Variants in ST6GALNAC3 observed in about 807,000 individuals in gnomAD.
ST6GALNAC3 encodes the protein alpha-N-acetylgalactosaminide alpha-2,6-sialyltransferase 3.
ST6GALNAC3 carries 25 observed loss-of-function variants against 32.7 expected under a neutral mutation model. That is an observed-to-expected ratio of 0.76 (90% CI 0.56 to 1.07). The LOEUF is 1.07. Among genes scored for constraint, ST6GALNAC3 ranks in the 50% least tolerant of loss-of-function variants. The pLI is 0.00. For synonymous variants in ST6GALNAC3, 129 were observed against 133.1 expected, an observed-to-expected ratio of 0.97 and a Z score of 0.21; for missense variants, 355 against 382.4, an observed-to-expected ratio of 0.93 and a Z score of 0.60.
At chr1:76,094,785 C>T (rs1466426305) in intron 1 of ST6GALNAC3, among the ~76,000 whole-genome samples, 2 of 152,244 alleles carry the variant, frequency 1.3e-5, no homozygotes, top group Admixed American at 6.5e-5. Flanking sequence ...AATGACTTCT[C>T]CTCTCTTCCC....
At chr1:76,277,611 T>TATACAC (rs762227546) in intron 1 of ST6GALNAC3, among the ~76,000 whole-genome samples, 4 of 51,164 alleles carry the variant, frequency 7.8e-5, no homozygotes, top group Non-Finnish European at 1.3e-4. Context: ...TATATATATA[T>TATACAC]ACACACACAC....
At chr1:76,306,765 A>G (rs950615071) in intron 1 of ST6GALNAC3, among the ~76,000 whole-genome samples, 4 of 152,004 alleles carry the variant, frequency 2.6e-5, no homozygotes, top group South Asian at 4.1e-4. Context: ...AAGAGGTTAC[A>G]TTGAACTTTC....
At chr1:76,370,743 G>A (rs987526135) in intron 2 of ST6GALNAC3, among the ~76,000 whole-genome samples, 4 of 152,040 alleles carry the variant, frequency 2.6e-5, no homozygotes, top group African/African-American at 7.2e-5. Flanking sequence ...ATGCAGATTA[G>A]AAAATGTTTT....
intron 3 of ST6GALNAC3, among the ~76,000 whole-genome samples, chr1:76,583,997 G>A (rs966743753): frequency 6.6e-6 from 1 of 152,050 alleles, no homozygotes; most frequent in African/African-American, 2.4e-5. Flanking sequence ...TCTGATCATG[G>A]TGGTAATGAG....
At chr1:76,201,514 G>T (rs571298262) in intron 1 of ST6GALNAC3, among the ~76,000 whole-genome samples, 1 of 152,218 alleles carries the variant, frequency 6.6e-6, no homozygotes, top group East Asian at 1.9e-4. Context: ...ACCATATCAC[G>T]TTGGAAACTG....
At chr1:76,362,665 C>T (rs990488669) in intron 2 of ST6GALNAC3, among the ~76,000 whole-genome samples, 1 of 152,224 alleles carries the variant, frequency 6.6e-6, no homozygotes, top group African/African-American at 2.4e-5. Flanking sequence ...CAAAGGGCTA[C>T]AGGCCCCAGG....
chr1:76,414,606 T>C (rs1654489281), intron 3 of ST6GALNAC3, among the ~76,000 whole-genome samples: 1 of 152,124 alleles, frequency 6.6e-6, no homozygotes, highest in Admixed American at 6.6e-5. Flanking sequence ...GTCAAACTTA[T>C]AGAGACACTA....
At chr1:76,256,647 G>A (rs1657937371) in intron 1 of ST6GALNAC3, among the ~76,000 whole-genome samples, 1 of 151,850 alleles carries the variant, frequency 6.6e-6, no homozygotes. Context: ...GTGGGGTGGG[G>A]TATGTATTAT....
At chr1:76,136,679 G>A (rs116464375) in intron 1 of ST6GALNAC3, among the ~76,000 whole-genome samples, 2,694 of 152,258 alleles carry the variant, frequency 0.018, 82 homozygotes, top group African/African-American at 0.061. Context: ...ATTTGACCCC[G>A]AAATCATATG....
chr1:76,456,729 A>G (rs1657833877), intron 3 of ST6GALNAC3, among the ~76,000 whole-genome samples: 1 of 152,150 alleles, frequency 6.6e-6, no homozygotes, highest in Non-Finnish European at 1.5e-5. Flanking sequence ...ATCTGTGACA[A>G]ACCCACAGCC....
intron 1 of ST6GALNAC3, among the ~76,000 whole-genome samples, chr1:76,099,526 G>C (rs1342091719): frequency 6.6e-6 from 1 of 152,214 alleles, no homozygotes; most frequent in East Asian, 1.9e-4. Flanking sequence ...ATGCAACAAT[G>C]TAGATGAATC....
At chr1:76,314,103 C>T in intron 2 of ST6GALNAC3, 104 bp downstream of exon 2, 1 of 1,107,578 alleles carries the variant, frequency 9.0e-7, no homozygotes. Flanking sequence ...TCTGTCTGCC[C>T]CGGAGAGCTT....
intron 1 of ST6GALNAC3, among the ~76,000 whole-genome samples, chr1:76,137,270 T>C (rs1156655290): frequency 1.3e-5 from 2 of 152,230 alleles, no homozygotes; most frequent in African/African-American, 4.8e-5. Context: ...TTTGCAGAGA[T>C]TCTTGCCCCG....
intron 1 of ST6GALNAC3, among the ~76,000 whole-genome samples, chr1:76,111,098 T>C (rs1012883138): frequency 2.0e-5 from 3 of 152,224 alleles, no homozygotes; most frequent in East Asian, 3.8e-4. Flanking sequence ...TAATGTCTAA[T>C]GTGAGATATT....
intron 3 of ST6GALNAC3, among the ~76,000 whole-genome samples, chr1:76,425,112 G>T (rs1655282181): frequency 1.3e-5 from 2 of 152,006 alleles, no homozygotes; most frequent in South Asian, 4.1e-4. Context: ...GATGATGAGA[G>T]TTCTCAGCTC....
At chr1:76,559,975 A>C (rs1225270750) in intron 3 of ST6GALNAC3, among the ~76,000 whole-genome samples, 1 of 152,178 alleles carries the variant, frequency 6.6e-6, no homozygotes, top group Admixed American at 6.6e-5. Flanking sequence ...GAAAAGAAGC[A>C]AATGACATAC....
intron 1 of ST6GALNAC3, among the ~76,000 whole-genome samples, chr1:76,310,785 C>A (rs896918464): frequency 6.6e-6 from 1 of 152,194 alleles, no homozygotes; most frequent in East Asian, 1.9e-4. Flanking sequence ...CCCAGCCCAA[C>A]TATATGAAAG....
chr1:76,243,156 G>A (rs1657062382), intron 1 of ST6GALNAC3, among the ~76,000 whole-genome samples: 1 of 152,184 alleles, frequency 6.6e-6, no homozygotes, highest in South Asian at 2.1e-4. Context: ...TCTGACTGGT[G>A]TGAGTTGGTA....
At chr1:76,365,617 TACCAATGAAC>T (rs1650304956) in intron 2 of ST6GALNAC3, among the ~76,000 whole-genome samples, 1 of 152,218 alleles carries the variant, frequency 6.6e-6, no homozygotes, top group African/African-American at 2.4e-5. Flanking sequence ...CAGAGATCTT[TACCAATGAAC>T]ATCAATGGTT....
Sources: gnomAD v4.1 joint callset for allele counts (sites outside exome capture counted in the v4.1 genomes callset) on GRCh38, gnomAD v4.1.1 for gene constraint, MANE v1.5 for transcripts, NCBI Gene and HGNC (gene_info 2026-07-23, HGNC 2026-07-21) for gene names.